The following DLG2 variants were observed in gnomAD, a reference collection of about 807,000 sequenced individuals.
DLG2 encodes the protein disks large homolog 2.
A neutral mutation model predicts 132.5 loss-of-function variants in DLG2; 45 were observed. The ratio of observed to expected loss-of-function variants is 0.34; its 90% CI spans 0.27 to 0.44. The LOEUF (loss-of-function observed/expected upper bound fraction) is 0.44. Ranked by LOEUF, DLG2 falls within the 20% of genes least tolerant of loss-of-function variation. The probability of loss-of-function intolerance (pLI) is 1.00; values close to 1 mark genes in which losing one functional copy is unlikely to be tolerated. For missense variants in DLG2, 1,045 were observed against 1,196.9 expected, an observed-to-expected ratio of 0.87 and a Z score of 1.87; for synonymous variants, 424 against 419.6, an observed-to-expected ratio of 1.01 and a Z score of -0.13.
Position 84,916,328 on chromosome 11 carries a change from G to A in DLG2, c.357+195333C>T, listed in dbSNP as rs184891902. 6.6e-5 allele frequency among the ~76,000 whole-genome samples: 7 copies of A among 106,314 alleles called. No homozygotes were observed. The East Asian group carries it at 9.6e-4, about 15-fold the overall frequency. The allele number at this position is 106,314 out of a possible 152,430, so 69.7% of individuals were successfully genotyped here. A position where few individuals can be genotyped will look rare whatever the true frequency, so the allele number is the denominator to read the frequency against. On this transcript the variant is annotated intron_variant, in intron 6 of 27. Transcript: ENST00000376104. ...TGCGCCACTGCACTCCAGCCTGGGC[G>A]ACAGAGCGAGACTCCGTCTCAAAAA...
intron 18 of DLG2, among the ~76,000 whole-genome samples, chr11:83,750,090 T>A (rs1413710848): frequency 6.6e-6 from 1 of 151,986 alleles, no homozygotes; most frequent in Non-Finnish European, 1.5e-5. Context: ...CTAAAAGGGG[T>A]CACAAGAAAA....
At chr11:85,268,712 T>A (rs997667112) in intron 4 of DLG2, among the ~76,000 whole-genome samples, 1 of 152,196 alleles carries the variant, frequency 6.6e-6, no homozygotes, top group Non-Finnish European at 1.5e-5. Flanking sequence ...CAAGGATAAA[T>A]ACTTCACTGT....
intron 4 of DLG2, among the ~76,000 whole-genome samples, chr11:85,258,310 A>G (rs17148070): frequency 0.072 from 10,920 of 152,180 alleles, 669 homozygotes; most frequent in African/African-American, 0.16. Context: ...ATCTTGTGGT[A>G]TTTTCTATTA....
intron 6 of DLG2, among the ~76,000 whole-genome samples, chr11:84,928,564 C>A (rs1188470010): frequency 2.0e-5 from 3 of 151,920 alleles, no homozygotes; most frequent in African/African-American, 4.8e-5. Context: ...TTCCTTTTGA[C>A]TGGCTTCTTT....
At chr11:84,041,062 C>T (rs1378839851) in intron 11 of DLG2, among the ~76,000 whole-genome samples, 2 of 151,578 alleles carry the variant, frequency 1.3e-5, no homozygotes, top group East Asian at 1.9e-4. Flanking sequence ...GATTTTTGTA[C>T]ATTGATTTTG....
intron 4 of DLG2, among the ~76,000 whole-genome samples, chr11:85,216,339 TAAGTA>T (rs771486254): frequency 5.9e-5 from 9 of 152,120 alleles, no homozygotes; most frequent in Non-Finnish European, 1.0e-4. Flanking sequence ...TTCATGGAAA[TAAGTA>T]AAGTACCTAA....
At chr11:84,874,951 T>A (rs1600499820) in intron 6 of DLG2, among the ~76,000 whole-genome samples, 1 of 144,282 alleles carries the variant, frequency 6.9e-6, no homozygotes, top group South Asian at 2.2e-4. Context: ...AACCGGGAGG[T>A]GGACATTATA....
At chr11:84,836,468 C>T (rs1039242216) in intron 6 of DLG2, among the ~76,000 whole-genome samples, 2 of 151,736 alleles carry the variant, frequency 1.3e-5, no homozygotes, top group Non-Finnish European at 2.9e-5. Context: ...GACACTCATA[C>T]AATAAAACCA....
At chr11:84,027,603 T>C (rs1483302924) in intron 11 of DLG2, among the ~76,000 whole-genome samples, 1 of 152,108 alleles carries the variant, frequency 6.6e-6, no homozygotes, top group Non-Finnish European at 1.5e-5. Flanking sequence ...AACATATTAC[T>C]TACAAAAAGT....
At chr11:85,477,135 C>T (rs1328338148) in intron 3 of DLG2, among the ~76,000 whole-genome samples, 4 of 152,006 alleles carry the variant, frequency 2.6e-5, no homozygotes, top group African/African-American at 7.3e-5. Context: ...TACATGTAGT[C>T]GGCTGTTCAC....
chr11:85,129,560 G>T (rs987802675), intron 5 of DLG2, among the ~76,000 whole-genome samples: 1 of 152,116 alleles, frequency 6.6e-6, no homozygotes, highest in African/African-American at 2.4e-5. Context: ...TCATTGAAAA[G>T]TCAGGAAACA....
intron 15 of DLG2, among the ~76,000 whole-genome samples, chr11:83,912,127 AAAAC>A (rs1441193093): frequency 6.7e-5 from 10 of 148,578 alleles, no homozygotes; most frequent in African/African-American, 2.2e-4. Flanking sequence ...AGAAAAAAAG[AAAAC>A]AAAGAAAAAA....
intron 5 of DLG2, among the ~76,000 whole-genome samples, chr11:85,142,204 C>A (rs2076538838): frequency 1.3e-5 from 2 of 151,746 alleles, no homozygotes; most frequent in African/African-American, 4.8e-5. Context: ...AAATATCTTT[C>A]CATTTTTTGT....
intron 4 of DLG2, among the ~76,000 whole-genome samples, chr11:85,155,935 A>T (rs992753107): frequency 1.3e-5 from 2 of 151,828 alleles, no homozygotes; most frequent in Non-Finnish European, 2.9e-5. Flanking sequence ...GCAGGCTAGG[A>T]CAGCTCCCAA....
chr11:84,787,673 G>A (rs1328823616), intron 6 of DLG2, among the ~76,000 whole-genome samples: 1 of 152,024 alleles, frequency 6.6e-6, no homozygotes, highest in African/African-American at 2.4e-5. Context: ...ATTTTTCTGT[G>A]TCCAATTTCT....
intron 3 of DLG2, among the ~76,000 whole-genome samples, chr11:85,490,369 G>A (rs2093528727): frequency 6.6e-6 from 1 of 151,824 alleles, no homozygotes; most frequent in Non-Finnish European, 1.5e-5. Flanking sequence ...CAACTAGTTA[G>A]ATTGAACAAC....
intron 6 of DLG2, among the ~76,000 whole-genome samples, chr11:84,781,931 C>T (rs17147566): frequency 0.024 from 3,714 of 151,954 alleles, 154 homozygotes; most frequent in African/African-American, 0.086. Context: ...GGAGGACAGA[C>T]CTAGGATGCA....
At chr11:85,014,847 T>C (rs1001103456) in intron 6 of DLG2, among the ~76,000 whole-genome samples, 6 of 152,280 alleles carry the variant, frequency 3.9e-5, no homozygotes, top group East Asian at 1.9e-4. Flanking sequence ...ACTTTAGGAA[T>C]TGGTAATTGC....
At chr11:84,259,864 G>A (rs929093615) in intron 7 of DLG2, among the ~76,000 whole-genome samples, 17 of 152,088 alleles carry the variant, frequency 1.1e-4, no homozygotes, top group South Asian at 2.1e-4. Flanking sequence ...GTCAGACAAC[G>A]GTAGCCTGGC....
Sources: allele counts gnomAD v4.1 joint callset (sites outside exome capture counted in the v4.1 genomes callset), GRCh38; gene constraint gnomAD v4.1.1; transcripts MANE v1.5; gene names NCBI Gene and HGNC (gene_info 2026-07-23, HGNC 2026-07-21).